The following CCDC30 variants were observed in gnomAD, a reference collection of about 807,000 sequenced individuals.
CCDC30 encodes coiled-coil domain containing 30.
Under a neutral mutation model 100.2 loss-of-function variants are expected in CCDC30, and 70 were observed. The ratio of observed to expected loss-of-function variants is 0.70; its 90% CI spans 0.58 to 0.85. CCDC30 has a LOEUF of 0.85. Ranked by LOEUF, CCDC30 falls within the 40% of genes least tolerant of loss-of-function variation. CCDC30 has a pLI of 0.00. For missense variants in CCDC30, 652 were observed against 771.2 expected, an observed-to-expected ratio of 0.85 and a Z score of 1.83; for synonymous variants, 233 against 269.5, an observed-to-expected ratio of 0.86 and a Z score of 1.33.
chr1:42,471,744 G>A (rs1347450445), intron 1 of CCDC30, among the ~76,000 whole-genome samples: 1 of 152,124 alleles, frequency 6.6e-6, no homozygotes, highest in East Asian at 1.9e-4. Context: ...AGAGGTGCAG[G>A]ATTCAGACTT....
intron 1 of CCDC30, among the ~76,000 whole-genome samples, chr1:42,475,726 T>C (rs1643874666): frequency 6.6e-6 from 1 of 152,220 alleles, no homozygotes; most frequent in South Asian, 2.1e-4. Flanking sequence ...GGGTATTTTC[T>C]TTCAGTGTCT....
rs1357782765 is a variant in CCDC30 at position 42,538,366 on chromosome 1, C to T, written c.457-27930C>T. 4.0e-5 allele frequency among the ~76,000 whole-genome samples: 6 copies of T among 151,446 alleles called. No homozygotes were observed. The East Asian group carries it at 1.2e-3, about 29-fold the overall frequency. On this transcript the variant is annotated intron_variant, in intron 6 of 16. Transcript: ENST00000668663. ...AAAAAAGAGAAAGAGAAAAAAACATCAGAGGATTAAAGAAAACCCTGGTTA... is the reference window on the plus strand; with the variant it reads ...AAAAAAGAGAAAGAGAAAAAAACATTAGAGGATTAAAGAAAACCCTGGTTA...
chr1:42,633,338 A>C (rs1570309049), intron 11 of CCDC30, among the ~76,000 whole-genome samples: 1 of 152,022 alleles, frequency 6.6e-6, no homozygotes, highest in Non-Finnish European at 1.5e-5. Flanking sequence ...TTCTTTTCTC[A>C]GTATGATTGA....
chr1:42,589,261 T>C, intron 9 of CCDC30, 60 bp from the exon 14 acceptor site: 1 of 1,413,982 alleles, frequency 7.1e-7, no homozygotes, highest in Non-Finnish European at 9.6e-7. Context: ...CATAAAAATT[T>C]TAGGTCTGAA....
chr1:42,590,849 G>A (rs1646172893), intron 10 of CCDC30: 1 of 152,140 alleles, frequency 6.6e-6, no homozygotes, highest in Admixed American at 6.5e-5. Context: ...GGTCTCAGAT[G>A]GAAATAAGGA....
Position 42,646,118 on chromosome 1 carries a change from A to C in CCDC30, c.1672-17A>C. ...ACCTATTGAAATAAATAACTCCAAA[A>C]TTGTTTTTAAACTTAGAATCTTAAG... On this transcript the variant is annotated splice_polypyrimidine_tract_variant and intron_variant, in intron 14 of 16. Coordinates refer to ENST00000668663, the Ensembl canonical transcript of CCDC30. 6.4e-7 allele frequency: 1 copy of C among 1,554,614 alleles called. No homozygotes were observed. The highest frequency in any genetic ancestry group is 8.7e-7 in the Non-Finnish European group (1 of 1,154,984).
At chr1:42,536,810 T>C (rs1348664703) in intron 6 of CCDC30, 1 of 501,256 alleles carries the variant, frequency 2.0e-6, no homozygotes, top group African/African-American at 2.0e-5. Context: ...GCCAAGTCAG[T>C]TCCTGGTGAG....
At chr1:42,473,070 C>T (rs1643821291) in intron 1 of CCDC30, 1 of 1,215,996 alleles carries the variant, frequency 8.2e-7, no homozygotes, top group Non-Finnish European at 1.0e-6. Flanking sequence ...CTTGCATCCT[C>T]AGTTGTGTGT....
chr1:42,487,212 T>G (rs184173170), intron 3 of CCDC30, among the ~76,000 whole-genome samples: 1 of 150,772 alleles, frequency 6.6e-6, no homozygotes, highest in Admixed American at 6.6e-5. Context: ...CTTAATAGGG[T>G]GATGGAAATG....
intron 6 of CCDC30, among the ~76,000 whole-genome samples, chr1:42,548,760 GC>G (rs1557844930): frequency 6.6e-6 from 1 of 152,124 alleles, no homozygotes; most frequent in Non-Finnish European, 1.5e-5. Flanking sequence ...TATGGGACTT[GC>G]AATCTTCCAG....
At chr1:42,541,139 T>G (rs1445398584) in intron 6 of CCDC30, among the ~76,000 whole-genome samples, 1 of 152,214 alleles carries the variant, frequency 6.6e-6, no homozygotes, top group Non-Finnish European at 1.5e-5. Context: ...AAATCAAAGA[T>G]CAAGATGTTG....
At chr1:42,496,060 G>A (rs1210961039) in intron 4 of CCDC30, among the ~76,000 whole-genome samples, 2 of 152,056 alleles carry the variant, frequency 1.3e-5, no homozygotes, top group Non-Finnish European at 2.9e-5. Context: ...ATTATCAAGT[G>A]AATAAGGCAA....
upstream of CCDC30, chr1:42,460,525 T>G (rs1643382399): frequency 3.7e-6 from 1 of 272,816 alleles, no homozygotes; most frequent in Non-Finnish European, 5.6e-6. Context: ...TTTTTGCTTC[T>G]TATTGTAGAT....
chr1:42,508,895 G>T (rs1160807556), intron 6 of CCDC30, among the ~76,000 whole-genome samples: 4 of 152,152 alleles, frequency 2.6e-5, no homozygotes, highest in African/African-American at 9.7e-5. Flanking sequence ...ATATACCCTT[G>T]CTTGGATATC....
intron 11 of CCDC30, among the ~76,000 whole-genome samples, chr1:42,629,076 A>C (rs1277979671): frequency 6.6e-6 from 1 of 152,160 alleles, no homozygotes; most frequent in Non-Finnish European, 1.5e-5. Flanking sequence ...CTACAGTTAC[A>C]GTGTTATATT....
intron 6 of CCDC30, chr1:42,533,958 T>C (rs1237911028): frequency 1.6e-5 from 2 of 127,148 alleles, no homozygotes; most frequent in African/African-American, 6.0e-5. Flanking sequence ...GCAGGTGAGG[T>C]AGGCTCCCTC....
chr1:42,581,374 G>C, exon 9 of CCDC30: 1 of 1,601,576 alleles, frequency 6.2e-7, no homozygotes, highest in East Asian at 2.2e-5. Context: ...TGGACCTGCA[G>C]CGGAAATTAG....
At chr1:42,638,790 C>T (rs1647214730) in intron 12 of CCDC30, among the ~76,000 whole-genome samples, 1 of 152,034 alleles carries the variant, frequency 6.6e-6, no homozygotes, top group Admixed American at 6.6e-5. Context: ...GCAAGAGAAT[C>T]TCTTGAACCC....
rs567169267 is a variant in CCDC30, at chr1:42,645,331, T to C, written c.1671+524T>C. On this transcript the variant is annotated intron_variant, in intron 14 of 16. Coordinates refer to ENST00000668663, the Ensembl canonical transcript of CCDC30. ...AAGTGAAGTTTGCTATGGCAAAGAGTCAAGCCTAAAGAGAGCATCTGAGTG... is the reference window on the plus strand; with the variant it reads ...AAGTGAAGTTTGCTATGGCAAAGAGCCAAGCCTAAAGAGAGCATCTGAGTG... Among the ~76,000 whole-genome samples the C allele has an allele frequency of 3.8e-4, 58 of 151,410 alleles. No individual in the cohort carries two copies. The South Asian group carries it at 0.012, about 31-fold the overall frequency.
Sources: gnomAD v4.1 joint callset for allele counts (sites outside exome capture counted in the v4.1 genomes callset) on GRCh38, gnomAD v4.1.1 for gene constraint, MANE v1.5 for transcripts, NCBI Gene and HGNC (gene_info 2026-07-23, HGNC 2026-07-21) for gene names.